TLK1: variants seen among roughly 807,000 people sequenced by gnomAD.
The protein encoded by TLK1 is serine/threonine-protein kinase tousled-like 1.
A neutral mutation model predicts 105.3 loss-of-function variants in TLK1; 24 were observed. The ratio of observed to expected loss-of-function variants is 0.23; its 90% CI spans 0.17 to 0.32. The LOEUF (loss-of-function observed/expected upper bound fraction) is 0.32, where lower values mean the gene tolerates loss of function less well. Among genes scored for constraint, TLK1 ranks in the 10% least tolerant of loss-of-function variants. The probability of loss-of-function intolerance (pLI) is 1.00; values close to 1 mark genes in which losing one functional copy is unlikely to be tolerated. For synonymous variants in TLK1, 321 were observed against 310.4 expected (o/e 1.03, Z -0.36); for missense variants, 558 against 910.5 (o/e 0.61, Z 4.98).
intron 10 of TLK1, among the ~76,000 whole-genome samples, chr2:171,046,944 T>TA (rs566951035): frequency 6.0e-4 from 91 of 152,076 alleles, no homozygotes; most frequent in South Asian, 1.7e-3. Flanking sequence ...CTACTTTTGT[T>TA]AAAAAAAATT....
chr2:171,165,092 G>A (rs980963520), upstream of TLK1, among the ~76,000 whole-genome samples: 1 of 152,246 alleles, frequency 6.6e-6, no homozygotes, highest in African/African-American at 2.4e-5. Context: ...AATCTCAAGA[G>A]CAAGAAGAGA....
At chr2:171,142,401 T>C (rs1441411851) in intron 1 of TLK1, among the ~76,000 whole-genome samples, 1 of 152,134 alleles carries the variant, frequency 6.6e-6, no homozygotes, top group Non-Finnish European at 1.5e-5. Context: ...ACTTAAAAGA[T>C]ATGGCTAAAA....
intron 2 of TLK1, among the ~76,000 whole-genome samples, chr2:171,116,626 G>C (rs542880603): frequency 4.2e-4 from 64 of 152,012 alleles, no homozygotes; most frequent in African/African-American, 1.5e-3. Flanking sequence ...CTTGAACCTG[G>C]GAGGCGGAGG....
At chr2:171,164,058 T>C (rs1692563365), upstream of TLK1, among the ~76,000 whole-genome samples, 1 of 152,172 alleles carries the variant, frequency 6.6e-6, no homozygotes, top group Non-Finnish European at 1.5e-5. Context: ...AGATTGGCTA[T>C]GTTTATTTTT....
intron 18 of TLK1, among the ~76,000 whole-genome samples, chr2:170,998,072 ATCT>A (rs1684156472): frequency 1.0e-4 from 9 of 86,326 alleles, no homozygotes; most frequent in Admixed American, 6.6e-4. Context: ...CTATCTATCT[ATCT>A]ATCTATCTAT....
intron 1 of TLK1, among the ~76,000 whole-genome samples, chr2:171,205,404 C>T (rs907432315): frequency 1.3e-5 from 2 of 151,984 alleles, no homozygotes; most frequent in African/African-American, 4.8e-5. Flanking sequence ...CTTACTGCAG[C>T]CTTGACTACC....
At chr2:171,090,843 A>T (rs999977695) in intron 2 of TLK1, among the ~76,000 whole-genome samples, 2 of 152,214 alleles carry the variant, frequency 1.3e-5, no homozygotes, top group African/African-American at 4.8e-5. Flanking sequence ...CAATATTTAA[A>T]CTAGCAGACA....
intron 1 of TLK1, among the ~76,000 whole-genome samples, chr2:171,209,781 C>T (rs1311972453): frequency 6.6e-6 from 1 of 152,224 alleles, no homozygotes; most frequent in Middle Eastern, 3.4e-3. Flanking sequence ...AGAGAGAAAA[C>T]GGTCATCTAC....
chr2:171,011,464 G>A lies in TLK1; in HGVS notation c.1335-10C>T. The A allele has an allele frequency of 6.2e-7, 1 of 1,602,586 alleles. No individual in the cohort carries two copies. The highest frequency in any genetic ancestry group is 8.5e-7 in the Non-Finnish European group (1 of 1,175,158). The stretch of plus-strand genomic sequence containing the variant: ...TGGGTGATCTTTGAACCTTAGAGGT[G>A]GGGGCAAAAAACAGACATATTAAAA... On this transcript the variant is annotated splice_polypyrimidine_tract_variant and intron_variant, in intron 13 of 20. Coordinates refer to ENST00000431350, the MANE Select transcript of TLK1 (RefSeq NM_012290.5).
intron 1 of TLK1, among the ~76,000 whole-genome samples, chr2:171,194,542 G>A (rs1022287645): frequency 2.0e-5 from 3 of 152,238 alleles, no homozygotes; most frequent in Non-Finnish European, 2.9e-5. Context: ...TGTGGGCTGG[G>A]CGCGGTGGCT....
chr2:171,178,580 G>T (rs1553486827), intron 1 of TLK1, among the ~76,000 whole-genome samples: 1 of 152,198 alleles, frequency 6.6e-6, no homozygotes, highest in Non-Finnish European at 1.5e-5. Context: ...CAGTGGAAAA[G>T]TAACTCCAAG....
chr2:171,058,290 A>G, intron 4 of TLK1, 93 bp from the exon 5 acceptor site: 1 of 1,142,666 alleles, frequency 8.8e-7, no homozygotes, highest in Middle Eastern at 2.0e-4. Context: ...CAATTTCACA[A>G]ATATGAAAAT....
rs967028676 is a variant in TLK1 at position 171,160,825 on chromosome 2, C to T, written c.-397G>A. ...CCGGCACCTCTGCAGTGCGTCGGCC[C>T]CCGGCGTCGCCCGGGAGGCGGCGGC... is the stretch of plus-strand genomic sequence containing the variant. On this transcript the variant is annotated 5_prime_UTR_variant, in exon 1 of 21. Coordinates refer to ENST00000431350, the MANE Select transcript of TLK1 (RefSeq NM_012290.5). This position sits in a 1 kb window ranked among gnomAD's most constrained non-coding sequence, Gnocchi z 4.4. 5.8e-6 allele frequency: 2 copies of T among 343,662 alleles called. No individual in the cohort carries two copies. Among genetic ancestry groups the T allele is most frequent in the Non-Finnish European group, 1.0e-5 (2 of 192,626 alleles). The allele number at this position is 343,662 out of a possible 1,614,324, so 21.3% of individuals were successfully genotyped here.
chr2:171,101,769 C>A (rs1284706036), intron 2 of TLK1, among the ~76,000 whole-genome samples: 1 of 152,116 alleles, frequency 6.6e-6, no homozygotes, highest in Non-Finnish European at 1.5e-5. Flanking sequence ...AGCACACATA[C>A]ACAGACTTGA....
intron 1 of TLK1, among the ~76,000 whole-genome samples, chr2:171,140,864 A>G (rs757029108): frequency 1.3e-5 from 2 of 152,224 alleles, no homozygotes; most frequent in African/African-American, 4.8e-5. Context: ...AGACTCTCGA[A>G]TAAGTATGCT....
chr2:171,114,145 T>C (rs564983906), intron 2 of TLK1, among the ~76,000 whole-genome samples: 1 of 152,206 alleles, frequency 6.6e-6, no homozygotes, highest in South Asian at 2.1e-4. Context: ...TACTTCATCA[T>C]TACTTATTAT....
At chr2:171,100,245 T>C (rs939149686) in intron 2 of TLK1, among the ~76,000 whole-genome samples, 5 of 152,172 alleles carry the variant, frequency 3.3e-5, no homozygotes, top group Non-Finnish European at 7.4e-5. Flanking sequence ...GGATTGAATA[T>C]GGTCTGTTCA....
Position 171,056,549 on chromosome 2 carries a change from G to A in TLK1, c.471C>T (p.Gly157=). The part of the protein sequence containing the change: ...SDYFEYQGGN[G]SSPVRGIPPA... ...GAGGTATGCCTCTTACTGGACTTGA[G>A]CCATTTCCACCCTGGTACTGAGTAA... Residue 157 remains glycine, a synonymous_variant, in exon 6 of 21, where the codon GGC becomes GGT. Coordinates refer to ENST00000431350, the MANE Select transcript of TLK1 (RefSeq NM_012290.5). The A allele has an allele frequency of 6.2e-7, 1 of 1,612,280 alleles. No individual in the cohort carries two copies. The highest frequency in any genetic ancestry group is 1.7e-5 in the Admixed American group (1 of 59,990).
At position 171,004,358 on chromosome 2, in the gene TLK1, A is replaced by G. The variant is rs567164399; in HGVS notation, c.1904+1789T>C. On this transcript the variant is annotated intron_variant, in intron 18 of 20. Transcript: ENST00000431350. ...AATTTTCCAATGTATTTATCGGAAA[A>G]AAAAAAGCCACATAAAAGTGGACCC... Among the ~76,000 whole-genome samples, 18 of 152,304 alleles carry G rather than the reference A, an allele frequency of 1.2e-4. No individual in the cohort carries two copies. In the South Asian group the frequency reaches 3.7e-3, roughly 32 times the overall value.
Sources: allele counts gnomAD v4.1 joint callset (sites outside exome capture counted in the v4.1 genomes callset), GRCh38; gene constraint gnomAD v4.1.1; non-coding constraint Gnocchi (gnomAD v3.1); transcripts MANE v1.5; gene names NCBI Gene and HGNC (gene_info 2026-07-23, HGNC 2026-07-21).